The following NT5DC3 variants were observed in gnomAD, a reference collection of about 807,000 sequenced individuals.
NT5DC3 encodes the protein 5'-nucleotidase domain-containing protein 3.
In NT5DC3, 42 loss-of-function variants were observed where a neutral mutation model predicts 67.8. The observed-to-expected ratio is 0.62, with a 90% CI of 0.48 to 0.80. NT5DC3 has a LOEUF of 0.80. Ranked by LOEUF, NT5DC3 falls within the 30% of genes least tolerant of loss-of-function variation. The pLI is 0.00. For synonymous variants in NT5DC3, 237 were observed against 255.6 expected (o/e 0.93, Z 0.69); for missense variants, 570 against 696.4 (o/e 0.82, Z 2.04).
intron 1 of NT5DC3, 72 bp downstream of exon 1, chr12:103,840,877 A>G: frequency 2.2e-6 from 2 of 914,924 alleles, no homozygotes; most frequent in Non-Finnish European, 2.9e-6. Flanking sequence ...TCCGGGTCCT[A>G]GGGCGCCCGC....
intron 1 of NT5DC3, among the ~76,000 whole-genome samples, chr12:103,832,368 A>C (rs1429031339): frequency 6.6e-6 from 1 of 152,140 alleles, no homozygotes; most frequent in African/African-American, 2.4e-5. Context: ...TTTAGGAATC[A>C]GAATCTCCAG....
In NT5DC3 at chr12:103,780,332, C is replaced by T; in HGVS notation, c.1362G>A (p.Leu454=). ...VHRDAESQLV[L]QEWKKERKEM... ...CCTTCCTTTCCTTTTTCCACTCCTG[C>T]AAAACCAGCTGTGACTCAGCATCTC... The change falls in exon 13 of 14, where the codon TTG becomes TTA. Residue 454 remains leucine, a synonymous_variant. Transcript: ENST00000392876. 1 of 1,614,146 alleles carries T rather than the reference C, an allele frequency of 6.2e-7. No individual in the cohort carries two copies. The highest frequency in any genetic ancestry group is 8.5e-7 in the Non-Finnish European group (1 of 1,179,976).
chr12:103,755,079 A>G, the NT5DC3 span: 1 of 557,436 alleles, frequency 1.8e-6, no homozygotes, highest in Non-Finnish European at 3.2e-6. Context: ...AGTATGAAAG[A>G]CCTGGGCACC....
intron 12 of NT5DC3, among the ~76,000 whole-genome samples, chr12:103,781,088 A>C (rs780682048): frequency 6.6e-6 from 1 of 152,242 alleles, no homozygotes; most frequent in Non-Finnish European, 1.5e-5. Context: ...GAAAATGCCA[A>C]TTGCCCATGA....
chr12:103,793,345 C>T, intron 8 of NT5DC3, 65 bp downstream of exon 8: 1 of 1,561,474 alleles, frequency 6.4e-7, no homozygotes, highest in Non-Finnish European at 8.8e-7. Context: ...CAATTTCCAG[C>T]TGCTAAAACA....
intron 9 of NT5DC3, among the ~76,000 whole-genome samples, chr12:103,792,271 G>C (rs1427359750): frequency 6.6e-6 from 1 of 152,164 alleles, no homozygotes; most frequent in Non-Finnish European, 1.5e-5. Context: ...CCTGCACATG[G>C]TTCTTGGTTT....
At chr12:103,788,374 AG>A (rs1192527347) in intron 10 of NT5DC3, among the ~76,000 whole-genome samples, 3 of 152,364 alleles carry the variant, frequency 2.0e-5, no homozygotes, top group Admixed American at 6.5e-5. Flanking sequence ...TCAACTCAGG[AG>A]GTTGAGGCTA....
chr12:103,762,631 G>T, the NT5DC3 span, among the ~76,000 whole-genome samples: 1 of 152,280 alleles, frequency 6.6e-6, no homozygotes, highest in Non-Finnish European at 1.5e-5. Context: ...GCTGAGACAG[G>T]GCTTGGCAAG....
Position 103,775,729 on chromosome 12 carries a change from G to A in NT5DC3, c.*2100C>T, listed in dbSNP as rs577591373. 81 of 152,282 alleles carry A rather than the reference G, an allele frequency of 5.3e-4. No individual in the cohort carries two copies. The highest frequency in any genetic ancestry group is 1.8e-3 in the African/African-American group (74 of 41,542). 9.4% of individuals were successfully genotyped at this position (152,282 alleles called of 1,614,324 possible). ...GTTCATAACAAAATGTAGAAGATGGGGAGAAGCCTTATTGGATCTAAAGGG... is the reference window on the plus strand; with the variant it reads ...GTTCATAACAAAATGTAGAAGATGGAGAGAAGCCTTATTGGATCTAAAGGG... On this transcript the variant is annotated 3_prime_UTR_variant, in exon 14 of 14. Coordinates refer to ENST00000392876, the MANE Select transcript of NT5DC3 (RefSeq NM_001031701.3).
the NT5DC3 span, chr12:103,755,547 C>A: frequency 1.2e-6 from 2 of 1,609,526 alleles, no homozygotes; most frequent in East Asian, 4.5e-5. Context: ...ACTCCCCAAG[C>A]AGAAGCAGTG....
At chr12:103,787,363 C>G (rs1885834958) in intron 11 of NT5DC3, 78 bp downstream of exon 11, 3 of 679,766 alleles carry the variant, frequency 4.4e-6, no homozygotes, top group South Asian at 3.1e-5. Flanking sequence ...AAAGGTACAT[C>G]CTTAAATAAA....
chr12:103,824,423 G>A (rs1887608191), intron 1 of NT5DC3, among the ~76,000 whole-genome samples: 1 of 152,172 alleles, frequency 6.6e-6, no homozygotes, highest in Non-Finnish European at 1.5e-5. Flanking sequence ...TACCTGCCCA[G>A]CATGCTCCAA....
chr12:103,780,453 G>A, intron 12 of NT5DC3, 89 bp from the exon 13 acceptor site: 2 of 1,225,342 alleles, frequency 1.6e-6, no homozygotes, highest in Non-Finnish European at 1.2e-6. Context: ...AGTTTTTCTA[G>A]GAGAAATTTT....
chr12:103,762,423 C>T, the NT5DC3 span: 20 of 1,614,026 alleles, frequency 1.2e-5, no homozygotes, highest in South Asian at 1.5e-4. Context: ...AAAATGGGAA[C>T]ATGATGATGG....
At chr12:103,758,112 C>G in the NT5DC3 span, 1 of 1,606,674 alleles carries the variant, frequency 6.2e-7, no homozygotes, top group Non-Finnish European at 8.5e-7. Context: ...CTTCTTCAGC[C>G]ACCCAGGTCC....
chr12:103,840,381 ATC>A (rs1491549944), intron 1 of NT5DC3, among the ~76,000 whole-genome samples: 5 of 60,730 alleles, frequency 8.2e-5, no homozygotes, highest in African/African-American at 3.1e-4. Context: ...CGCACAGCTC[ATC>A]TCATCTCATC....
chr12:103,771,258 C>T (rs1007004659), downstream of NT5DC3: 6 of 152,146 alleles, frequency 3.9e-5, no homozygotes, highest in East Asian at 3.9e-4. Context: ...TCTGAAATGA[C>T]GAACAATTCC....
At chr12:103,748,314 T>C in the NT5DC3 span, among the ~76,000 whole-genome samples, 4 of 152,180 alleles carry the variant, frequency 2.6e-5, no homozygotes, top group Middle Eastern at 3.2e-3. Flanking sequence ...TAAATGCAGA[T>C]GGCTTTTCAG....
intron 4 of NT5DC3, among the ~76,000 whole-genome samples, chr12:103,804,348 A>G (rs145729178): frequency 1.2e-4 from 18 of 152,306 alleles, no homozygotes; most frequent in African/African-American, 4.1e-4. Flanking sequence ...GGGTATACCC[A>G]TGACAAGAAC....
Sources: allele counts gnomAD v4.1 joint callset (sites outside exome capture counted in the v4.1 genomes callset), GRCh38; gene constraint gnomAD v4.1.1; transcripts MANE v1.5; gene names NCBI Gene and HGNC (gene_info 2026-07-23, HGNC 2026-07-21).